The following GMPS variants were observed in gnomAD, a reference collection of about 807,000 sequenced individuals.
GMPS encodes guanosine monophosphate synthase.
In GMPS, 15 loss-of-function variants were observed where a neutral mutation model predicts 77.9. That is an observed-to-expected ratio of 0.19 (90% CI 0.13 to 0.30). The LOEUF (loss-of-function observed/expected upper bound fraction) is 0.30, where lower values mean the gene tolerates loss of function less well. Ranked by LOEUF, GMPS falls within the 10% of genes least tolerant of loss-of-function variation. GMPS has a pLI of 1.00. For missense variants in GMPS, 590 were observed against 838.8 expected, an observed-to-expected ratio of 0.70 and a Z score of 3.66; for synonymous variants, 224 against 275.9, an observed-to-expected ratio of 0.81 and a Z score of 1.86.
At chr3:155,889,928 A>G (rs1019219047) in intron 1 of GMPS, among the ~76,000 whole-genome samples, 1 of 152,128 alleles carries the variant, frequency 6.6e-6, no homozygotes, top group Non-Finnish European at 1.5e-5. Context: ...CTATCTTGTG[A>G]TGCTGAATTT....
At chr3:155,886,057 G>A (rs567961231) in intron 1 of GMPS, among the ~76,000 whole-genome samples, 65 of 152,050 alleles carry the variant, frequency 4.3e-4, no homozygotes, top group Non-Finnish European at 7.6e-4. Flanking sequence ...CTGGCCTCAA[G>A]TGATCCTCCC....
At chr3:155,879,514 GC>G (rs1754157003) in intron 1 of GMPS, among the ~76,000 whole-genome samples, 1 of 151,940 alleles carries the variant, frequency 6.6e-6, no homozygotes, top group South Asian at 2.1e-4. Flanking sequence ...TGATCTGCCT[GC>G]CTTGGCCTCT....
chr3:155,916,153 T>C lies in GMPS; in HGVS notation c.1173T>C (p.His391=), dbSNP rs770187764. The C allele has an allele frequency of 5.6e-6, 9 of 1,613,626 alleles. No homozygotes were observed. The highest frequency in any genetic ancestry group is 6.8e-6 in the Non-Finnish European group (8 of 1,179,662). ...ASGKAELIKT[H]HNDTELIRKL... is the part of the protein sequence containing the mutation. ...GCAAAGCTGAACTCATCAAAACCCA[T>C]CACAATGACACAGAGCTCATCAGAA... The change falls in exon 9 of 16, where the codon CAT becomes CAC. Residue 391 remains histidine (H), a synonymous_variant. Coordinates refer to ENST00000496455, the MANE Select transcript of GMPS (RefSeq NM_003875.3).
chr3:155,913,743 A>G (rs1187184523), intron 7 of GMPS, among the ~76,000 whole-genome samples: 1 of 151,946 alleles, frequency 6.6e-6, no homozygotes, highest in African/African-American at 2.4e-5. Context: ...CTGGTCTCAC[A>G]CTGCTGACCT....
At position 155,940,740 on chromosome 3, in the gene GMPS, G is replaced by GTTT. The variant is rs77440100; in HGVS notation, c.*3064_*3066dup. On this transcript the variant is annotated 3_prime_UTR_variant, in exon 16 of 16. Transcript: ENST00000496455. ...AGACAGAATGGAGAAGCTGGATAGT[G>GTTT]TTTTTTTTTTTTTTTTTTAAGGTTC... 4.6e-3 allele frequency: 800 copies of GTTT among 175,098 alleles called. 1 individual carries two copies. Among genetic ancestry groups the GTTT allele is most frequent in the African/African-American group, 6.6e-3 (258 of 39,204 alleles). The allele number at this position is 175,098 out of a possible 1,614,324, so 10.8% of individuals were successfully genotyped here.
intron 8 of GMPS, among the ~76,000 whole-genome samples, chr3:155,915,238 GT>G (rs35664957): frequency 1.2e-3 from 166 of 133,126 alleles, no homozygotes; most frequent in East Asian, 1.5e-3. Context: ...CTTTGTTTTT[GT>G]TTTTTTTTTT....
Position 155,919,143 on chromosome 3 carries a change from T to A in GMPS, c.1213-90T>A, listed in dbSNP as rs2108118272. The A allele has an allele frequency of 6.6e-6, 4 of 607,006 alleles. No individual in the cohort carries two copies. In the East Asian group the frequency reaches 8.4e-5, roughly 13 times the overall value. The allele number at this position is 607,006 out of a possible 1,614,324, so 37.6% of individuals were successfully genotyped here. ...TAATCTGTTAGTCTAAGAAAAGTGG[T>A]AACAGGAAAAGCCAATAATTTATTA... On this transcript the variant is annotated intron_variant, in intron 9 of 15. Coordinates refer to ENST00000496455, the MANE Select transcript of GMPS (RefSeq NM_003875.3).
At chr3:155,897,072 A>G (rs1010288970) in intron 2 of GMPS, among the ~76,000 whole-genome samples, 1 of 152,144 alleles carries the variant, frequency 6.6e-6, no homozygotes, top group African/African-American at 2.4e-5. Context: ...TATGATTCCA[A>G]TTGGTTGTAG....
At chr3:155,892,415 C>T (rs984354717) in intron 1 of GMPS, among the ~76,000 whole-genome samples, 1 of 152,034 alleles carries the variant, frequency 6.6e-6, no homozygotes, top group African/African-American at 2.4e-5. Context: ...CAGACGAGTA[C>T]AATGAACTTA....
Position 155,910,759 on chromosome 3 carries a change from T to C in GMPS, c.594T>C (p.Asn198=). 6.2e-7 allele frequency: 1 copy of C among 1,611,632 alleles called. No individual in the cohort carries two copies. Among genetic ancestry groups the C allele is most frequent in the Non-Finnish European group, 8.5e-7 (1 of 1,178,288 alleles). Residue 198 remains asparagine (N), a synonymous_variant, in exon 6 of 16, where the codon AAT becomes AAC. Transcript: ENST00000496455. The part of the protein sequence containing the change: ...QFHPEVGLTE[N]GKVILKNFLY... The stretch of plus-strand genomic sequence containing the variant: ...ACCCTGAAGTTGGCCTTACAGAAAA[T>C]GGAAAAGTAATACTGAAGAATTTCC...
chr3:155,873,638 C>CTTTTTTTTTTTTTTTTTTTTTTTT lies in GMPS; in HGVS notation c.27+2755_27+2756insTTTTTTTTTTTTTTTTTTTTTTTT, dbSNP rs58365650. On this transcript the variant is annotated intron_variant, in intron 1 of 15. Coordinates refer to ENST00000496455, the MANE Select transcript of GMPS (RefSeq NM_003875.3). ...TGTCGTTAGGTTACATGAGTAAGTT[C>CTTTTTTTTTTTTTTTTTTTTTTTT]TTTTTTTTTTTTTTGAGATGGAGTC... 3.6e-5 allele frequency among the ~76,000 whole-genome samples: 3 copies of CTTTTTTTTTTTTTTTTTTTTTTTT among 82,552 alleles called. 1 individual carries two copies. The highest frequency in any genetic ancestry group is 6.7e-5 in the Non-Finnish European group (3 of 44,936). 54.2% of individuals were successfully genotyped at this position (82,552 alleles called of 152,430 possible). A position where few individuals can be genotyped will look rare whatever the true frequency, so the allele number is the denominator to read the frequency against.
intron 15 of GMPS, among the ~76,000 whole-genome samples, chr3:155,936,789 C>G (rs1471304952): frequency 6.6e-6 from 1 of 151,768 alleles, no homozygotes; most frequent in Non-Finnish European, 1.5e-5. Context: ...ACAGTATTCC[C>G]CAAATAAAAA....
intron 1 of GMPS, among the ~76,000 whole-genome samples, chr3:155,879,038 A>C (rs1250503181): frequency 6.6e-6 from 1 of 152,096 alleles, no homozygotes; most frequent in Non-Finnish European, 1.5e-5. Context: ...CCCTGCCTTG[A>C]CTTTGTTCTG....
At position 155,919,250 on chromosome 3, in the gene GMPS, T is replaced by G. The variant is rs754587051; in HGVS notation, c.1230T>G (p.Pro410=). 1 of 1,568,332 alleles carries G rather than the reference T, an allele frequency of 6.4e-7. No homozygotes were observed. The highest frequency in any genetic ancestry group is 8.7e-7 in the Non-Finnish European group (1 of 1,148,070). Residue 410 remains proline, a synonymous_variant, in exon 10 of 16, where the codon CCT becomes CCG. Transcript: ENST00000496455. ...CCCTGTAGGGAAAAGTAATAGAACC[T>G]CTGAAAGATTTTCATAAAGATGAAG... ...KLREEGKVIE[P]LKDFHKDEVR... is the part of the protein sequence containing the mutation.
At chr3:155,926,267 C>T (rs1284260226) in intron 12 of GMPS, among the ~76,000 whole-genome samples, 3 of 152,166 alleles carry the variant, frequency 2.0e-5, no homozygotes, top group Non-Finnish European at 4.4e-5. Context: ...TCACTTTGGC[C>T]TCCCAAAGTG....
chr3:155,908,358 G>A (rs1420510239), intron 5 of GMPS, among the ~76,000 whole-genome samples: 1 of 152,180 alleles, frequency 6.6e-6, no homozygotes, highest in Non-Finnish European at 1.5e-5. Context: ...TGAGATGGGG[G>A]CCTGTTAACA....
intron 1 of GMPS, among the ~76,000 whole-genome samples, chr3:155,891,623 TG>T (rs1435128590): frequency 6.7e-5 from 10 of 150,116 alleles, no homozygotes; most frequent in African/African-American, 1.2e-4. Context: ...TTTTTTTTTT[TG>T]AGATGGAGTT....
At chr3:155,885,763 G>T (rs1032565082) in intron 1 of GMPS, among the ~76,000 whole-genome samples, 1 of 152,148 alleles carries the variant, frequency 6.6e-6, no homozygotes, top group East Asian at 1.9e-4. Context: ...TATAGAAAGA[G>T]ACTTATTTAG....
chr3:155,929,669 C>A (rs1755551959), intron 12 of GMPS, among the ~76,000 whole-genome samples: 1 of 134,430 alleles, frequency 7.4e-6, no homozygotes, highest in South Asian at 3.0e-4. Flanking sequence ...AGCAAAGTCT[C>A]AGGATACAAA....
Sources: allele counts gnomAD v4.1 joint callset (sites outside exome capture counted in the v4.1 genomes callset), GRCh38; gene constraint gnomAD v4.1.1; transcripts MANE v1.5; gene names NCBI Gene and HGNC (gene_info 2026-07-23, HGNC 2026-07-21).